NME9: variants seen among roughly 807,000 people sequenced by gnomAD.
NME9 encodes the protein thioredoxin domain-containing protein 6.
Under a neutral mutation model 44.4 loss-of-function variants are expected in NME9, and 48 were observed. The ratio of observed to expected loss-of-function variants is 1.08; its 90% confidence interval spans 0.86 to 1.37. The LOEUF is 1.37. NME9 is among the 40% of genes most tolerant of loss of function. The pLI is 0.00. For synonymous variants in NME9, 139 were observed against 147.1 expected (o/e 0.94, Z 0.40); for missense variants, 325 against 405.2 (o/e 0.80, Z 1.70).
At chr3:138,303,758 T>G (rs750926940) in intron 9 of NME9, 115 bp from the exon 10 acceptor site, 28 of 885,046 alleles carry the variant, frequency 3.2e-5, no homozygotes, top group Non-Finnish European at 4.5e-5. Context: ...CCTGTGAAAT[T>G]GATTTCTCTG....
chr3:138,307,894 A>G (rs2052392716), intron 6 of NME9, among the ~76,000 whole-genome samples: 1 of 152,222 alleles, frequency 6.6e-6, no homozygotes, highest in South Asian at 2.1e-4. Flanking sequence ...TAAGATATGA[A>G]CTGGTAACTA....
At position 138,301,049 on chromosome 3, in the gene NME9, C is replaced by T; in HGVS notation, c.*591G>A. ...TTGGGGAAACACCATCTCATATAAC[C>T]CAGTATCCTCTGAGATGACACTTAT... is the stretch of plus-strand genomic sequence containing the variant. On this transcript the variant is annotated 3_prime_UTR_variant, in exon 11 of 11. Coordinates refer to ENST00000333911, the MANE Select transcript of NME9 (RefSeq NM_001349018.2). 1.0e-6 allele frequency: 1 copy of T among 972,576 alleles called. No homozygotes were observed. Among genetic ancestry groups the T allele is most frequent in the Non-Finnish European group, 1.2e-6 (1 of 818,300 alleles). 60.2% of individuals were successfully genotyped at this position (972,576 alleles called of 1,614,324 possible). A position where few individuals can be genotyped will look rare whatever the true frequency, so the allele number is the denominator to read the frequency against.
At chr3:138,322,522 C>T (rs1035228886) in intron 2 of NME9, among the ~76,000 whole-genome samples, 1 of 128,964 alleles carries the variant, frequency 7.8e-6, no homozygotes, top group Non-Finnish European at 1.7e-5. Context: ...GTGTGTGTGT[C>T]TGTGCATGCA....
intron 8 of NME9, chr3:138,274,405 G>C: frequency 7.6e-7 from 1 of 1,315,076 alleles, no homozygotes; most frequent in Non-Finnish European, 1.1e-6. Context: ...TCGTCCTGTG[G>C]TCTTTGTTTC....
intron 8 of NME9, among the ~76,000 whole-genome samples, chr3:138,264,646 C>G (rs1193290044): frequency 1.3e-5 from 2 of 151,742 alleles, no homozygotes; most frequent in Admixed American, 6.6e-5. Flanking sequence ...TCTTGAACTC[C>G]TGACCACGTG....
At chr3:138,281,227 T>C (rs1467187597) in intron 8 of NME9, among the ~76,000 whole-genome samples, 1 of 152,062 alleles carries the variant, frequency 6.6e-6, no homozygotes, top group Non-Finnish European at 1.5e-5. Flanking sequence ...GGTGTGTGTG[T>C]GTGTGTGTAG....
At chr3:138,306,309 T>C in intron 7 of NME9, 89 bp downstream of exon 7, 5 of 1,023,522 alleles carry the variant, frequency 4.9e-6, no homozygotes, top group Non-Finnish European at 7.7e-6. Context: ...CTTTCTGCAC[T>C]AAGATATCAC....
intron 6 of NME9, among the ~76,000 whole-genome samples, chr3:138,308,058 G>C (rs2052406630): frequency 6.6e-6 from 1 of 152,146 alleles, no homozygotes; most frequent in African/African-American, 2.4e-5. Context: ...GGAAGGGTAA[G>C]GGCGGTATCT....
chr3:138,318,107 T>G, intron 4 of NME9, 41 bp downstream of exon 4: 1 of 1,226,748 alleles, frequency 8.2e-7, no homozygotes, highest in Non-Finnish European at 1.2e-6. Flanking sequence ...CTCTAATGAT[T>G]TGCAATCGTC....
chr3:138,288,963 A>G, intron 8 of NME9: 9 of 1,073,986 alleles, frequency 8.4e-6, no homozygotes, highest in Non-Finnish European at 1.2e-5. Context: ...GGTTATAGGA[A>G]TTGGCTATGG....
chr3:138,304,811 G>A, intron 9 of NME9, 62 bp downstream of exon 9: 3 of 1,504,786 alleles, frequency 2.0e-6, no homozygotes. Flanking sequence ...CACTGAGTGG[G>A]ACTCAGCCTC....
At chr3:138,269,599 C>G (rs2048583942) in intron 8 of NME9, among the ~76,000 whole-genome samples, 1 of 152,118 alleles carries the variant, frequency 6.6e-6, no homozygotes, top group South Asian at 2.1e-4. Context: ...ATATTTCTTT[C>G]CTTTACCAAC....
intron 8 of NME9, among the ~76,000 whole-genome samples, chr3:138,276,819 A>G (rs1560034112): frequency 6.6e-6 from 1 of 152,206 alleles, no homozygotes; most frequent in Non-Finnish European, 1.5e-5. Context: ...CCCCAAGTTG[A>G]TTTATAGATT....
chr3:138,305,108 G>A (rs766926890), intron 8 of NME9, 81 bp from the exon 9 acceptor site: 11 of 1,299,680 alleles, frequency 8.5e-6, no homozygotes, highest in Middle Eastern at 2.4e-4. Flanking sequence ...TCTCACCCAC[G>A]GAATGGGAGG....
intron 6 of NME9, among the ~76,000 whole-genome samples, chr3:138,309,038 C>G (rs2052499206): frequency 6.6e-6 from 1 of 151,290 alleles, no homozygotes; most frequent in Admixed American, 6.6e-5. Flanking sequence ...GGCATGGTGG[C>G]CCAGCACTTT....
chr3:138,291,441 C>T (rs1001297043), intron 8 of NME9, among the ~76,000 whole-genome samples: 1 of 152,236 alleles, frequency 6.6e-6, no homozygotes. Flanking sequence ...CCCATTCATT[C>T]ATCAGATATC....
At chr3:138,296,218 C>T (rs570806186), downstream of NME9, 22 of 256,462 alleles carry the variant, frequency 8.6e-5, no homozygotes, top group South Asian at 1.3e-3. Flanking sequence ...ATGAATATGT[C>T]TGTGTGAACA....
chr3:138,305,933 C>G, intron 8 of NME9, 71 bp downstream of exon 8: 1 of 1,005,870 alleles, frequency 9.9e-7, no homozygotes, highest in Non-Finnish European at 1.6e-6. Context: ...AAACTGATAT[C>G]AATCTATAAG....
At chr3:138,262,263 G>T in exon 9 of NME9, 1 of 353,698 alleles carries the variant, frequency 2.8e-6, no homozygotes. Context: ...GTGACAATGA[G>T]GACAGAGAGT....
Sources: allele counts gnomAD v4.1 joint callset (sites outside exome capture counted in the v4.1 genomes callset), GRCh38; gene constraint gnomAD v4.1.1; transcripts MANE v1.5; gene names NCBI Gene and HGNC (gene_info 2026-07-23, HGNC 2026-07-21).